The following CDK14 variants were observed in gnomAD, a reference collection of about 807,000 sequenced individuals.
CDK14 encodes cyclin dependent kinase 14, also known as cyclin-dependent kinase 14.
In CDK14, 34 loss-of-function variants were observed where a neutral mutation model predicts 60.7. The observed-to-expected ratio is 0.56, with a 90% CI of 0.43 to 0.75. The LOEUF (loss-of-function observed/expected upper bound fraction) is 0.75. Ranked by LOEUF, CDK14 falls within the 30% of genes least tolerant of loss-of-function variation. The pLI is 0.00. For synonymous variants in CDK14, 197 were observed against 203.7 expected, an observed-to-expected ratio of 0.97 and a Z score of 0.28; for missense variants, 482 against 564.1, an observed-to-expected ratio of 0.85 and a Z score of 1.47.
chr7:91,085,008 T>A (rs1351787795), intron 12 of CDK14, among the ~76,000 whole-genome samples: 1 of 152,166 alleles, frequency 6.6e-6, no homozygotes, highest in Non-Finnish European at 1.5e-5. Flanking sequence ...CCAAACAGAT[T>A]CTAGAAGCAT....
intron 14 of CDK14, among the ~76,000 whole-genome samples, chr7:91,175,911 G>C (rs1562982476): frequency 6.7e-6 from 1 of 149,588 alleles, no homozygotes. Context: ...GAGACAGAAA[G>C]TCAACAAGGA....
At chr7:90,706,480 G>C (rs1305901138) in intron 2 of CDK14, among the ~76,000 whole-genome samples, 1 of 152,152 alleles carries the variant, frequency 6.6e-6, no homozygotes. Context: ...GGAAACACAG[G>C]AGAACAAACG....
chr7:91,018,311 T>A (rs924149577), intron 10 of CDK14, among the ~76,000 whole-genome samples: 3 of 152,156 alleles, frequency 2.0e-5, no homozygotes, highest in Non-Finnish European at 4.4e-5. Flanking sequence ...AAGAGAACTG[T>A]CTTAGTCTCT....
chr7:91,029,445 C>T (rs1345288396), intron 10 of CDK14, among the ~76,000 whole-genome samples: 1 of 151,580 alleles, frequency 6.6e-6, no homozygotes, highest in Non-Finnish European at 1.5e-5. Context: ...GCTTTCAGTC[C>T]ATGAGCATGG....
intron 14 of CDK14, among the ~76,000 whole-genome samples, chr7:91,127,823 A>G (rs1206189344): frequency 2.6e-5 from 4 of 152,186 alleles, no homozygotes; most frequent in African/African-American, 4.8e-5. Context: ...ATTAATCTGC[A>G]GTTTATAAAA....
chr7:91,186,182 C>G (rs1802180118), intron 14 of CDK14, among the ~76,000 whole-genome samples: 1 of 8,116 alleles, frequency 1.2e-4, no homozygotes, highest in African/African-American at 4.6e-4. Context: ...CCTCCCCTCC[C>G]CTCTCCTCTC....
At chr7:90,963,751 G>A (rs898414940) in intron 9 of CDK14, among the ~76,000 whole-genome samples, 4 of 123,434 alleles carry the variant, frequency 3.2e-5, no homozygotes, top group South Asian at 2.5e-4. Flanking sequence ...AGTCTTACTC[G>A]GTCACCCAGA....
At chr7:90,839,104 T>C (rs1584031968) in intron 5 of CDK14, among the ~76,000 whole-genome samples, 1 of 152,182 alleles carries the variant, frequency 6.6e-6, no homozygotes, top group East Asian at 1.9e-4. Context: ...CGGCTGACAC[T>C]TAGGGAAAAT....
chr7:90,633,586 A>G (rs1184241044), intron 2 of CDK14, among the ~76,000 whole-genome samples: 1 of 152,202 alleles, frequency 6.6e-6, no homozygotes, highest in African/African-American at 2.4e-5. Context: ...AAGGATAGAC[A>G]AATTTTACCT....
At chr7:90,836,249 T>C in intron 5 of CDK14, among the ~76,000 whole-genome samples, 1 of 143,390 alleles carries the variant, frequency 7.0e-6, no homozygotes, top group African/African-American at 2.7e-5. Flanking sequence ...TTAGACTCTT[T>C]TATAATAACC....
At chr7:90,880,609 C>T (rs571902350) in intron 6 of CDK14, among the ~76,000 whole-genome samples, 1 of 152,276 alleles carries the variant, frequency 6.6e-6, no homozygotes, top group Non-Finnish European at 1.5e-5. Flanking sequence ...AGTTCCTGCT[C>T]CCATGCCACC....
intron 9 of CDK14, among the ~76,000 whole-genome samples, chr7:90,977,884 C>T (rs75879745): frequency 0.01 from 1,581 of 152,192 alleles, 28 homozygotes; most frequent in African/African-American, 0.035. Context: ...AACCTTGTCC[C>T]GATCTTGTAG....
intron 6 of CDK14, among the ~76,000 whole-genome samples, chr7:90,888,636 G>C (rs1792025424): frequency 6.6e-6 from 1 of 152,104 alleles, no homozygotes; most frequent in Non-Finnish European, 1.5e-5. Context: ...TATCAGAGTG[G>C]CTCCAGAAAG....
chr7:90,940,300 T>A (rs1584146489), intron 8 of CDK14, among the ~76,000 whole-genome samples: 1 of 152,224 alleles, frequency 6.6e-6, no homozygotes. Flanking sequence ...CTGTTATTTA[T>A]TTTGTCTTTT....
At chr7:90,826,399 A>G (rs574828176) in intron 5 of CDK14, among the ~76,000 whole-genome samples, 1 of 152,020 alleles carries the variant, frequency 6.6e-6, no homozygotes, top group East Asian at 1.9e-4. Context: ...TTGTATTTTT[A>G]GTAGAGACAG....
intron 2 of CDK14, among the ~76,000 whole-genome samples, chr7:90,652,621 G>A (rs149000222): frequency 5.9e-5 from 9 of 152,336 alleles, no homozygotes; most frequent in African/African-American, 1.4e-4. Flanking sequence ...GTGAGACGAT[G>A]TGCTAGAAAC....
chr7:90,820,329 G>T (rs1447967228), intron 5 of CDK14, among the ~76,000 whole-genome samples: 1 of 152,056 alleles, frequency 6.6e-6, no homozygotes, highest in Admixed American at 6.6e-5. Flanking sequence ...GATGTGGTTT[G>T]GCTCTGTGTC....
chr7:90,758,668 G>A (rs1434123112), intron 4 of CDK14, among the ~76,000 whole-genome samples: 2 of 152,152 alleles, frequency 1.3e-5, no homozygotes, highest in African/African-American at 2.4e-5. Context: ...CTGCCCTCGG[G>A]AAACTTAATC....
chr7:91,051,787 C>T (rs1484109431), intron 11 of CDK14, among the ~76,000 whole-genome samples: 2 of 152,184 alleles, frequency 1.3e-5, no homozygotes, highest in Admixed American at 1.3e-4. Flanking sequence ...ATGAGAGGCT[C>T]CCCTATGTGA....
Sources: gnomAD v4.1 joint callset for allele counts (sites outside exome capture counted in the v4.1 genomes callset) on GRCh38, gnomAD v4.1.1 for gene constraint, MANE v1.5 for transcripts, NCBI Gene and HGNC (gene_info 2026-07-23, HGNC 2026-07-21) for gene names.